MCU: variants seen among roughly 807,000 people sequenced by gnomAD.
MCU encodes calcium uniporter protein, mitochondrial.
In MCU, 12 loss-of-function variants were observed where a neutral mutation model predicts 45.2. The ratio of observed to expected loss-of-function variants is 0.27; its 90% CI spans 0.17 to 0.43. The LOEUF (loss-of-function observed/expected upper bound fraction) is 0.43, where lower values mean the gene tolerates loss of function less well. Ranked by LOEUF, MCU falls within the 20% of genes least tolerant of loss-of-function variation. MCU has a pLI of 1.00. For synonymous variants in MCU, 160 were observed against 165.1 expected, an observed-to-expected ratio of 0.97 and a Z score of 0.24; for missense variants, 324 against 436.7, an observed-to-expected ratio of 0.74 and a Z score of 2.30.
At position 72,841,139 on chromosome 10, in the gene MCU, CAGTT is replaced by C. The variant is rs546202844; in HGVS notation, c.220+6716_220+6719del. Among the ~76,000 whole-genome samples the C allele has an allele frequency of 8.9e-4, 135 of 152,216 alleles. 2 individuals are homozygous for C. Among genetic ancestry groups the C allele is most frequent in the African/African-American group, 2.7e-3 (111 of 41,536 alleles). On this transcript the variant is annotated intron_variant, in intron 2 of 7. Coordinates refer to ENST00000373053, the MANE Select transcript of MCU (RefSeq NM_138357.3). Reference sequence around the variant, plus strand: ...TGAAAATAACTGATACTGTTCAAAGCAGTTAGTTCCTAGTTTTTGTCTGTTAACA... The same window carrying C: ...TGAAAATAACTGATACTGTTCAAAGCAGTTCCTAGTTTTTGTCTGTTAACA...
At chr10:72,769,056 GT>G (rs1316265105) in intron 1 of MCU, among the ~76,000 whole-genome samples, 1 of 151,638 alleles carries the variant, frequency 6.6e-6, no homozygotes, top group East Asian at 1.9e-4. Context: ...GTCTTGGTAT[GT>G]TGCCCAGGCT....
chr10:72,845,627 C>T (rs1845109514), intron 2 of MCU, among the ~76,000 whole-genome samples: 1 of 152,086 alleles, frequency 6.6e-6, no homozygotes, highest in Admixed American at 6.6e-5. Context: ...AAGAGCAATA[C>T]CTAGATACCT....
At position 72,692,204 on chromosome 10, in the gene MCU, G is replaced by T; in HGVS notation, c.53G>T (p.Gly18Val). 7.9e-7 allele frequency: 1 copy of T among 1,258,928 alleles called. No individual in the cohort carries two copies. Among genetic ancestry groups the T allele is most frequent in the Non-Finnish European group, 1.0e-6 (1 of 995,460 alleles). 78.0% of individuals were successfully genotyped at this position (1,258,928 alleles called of 1,614,324 possible). Residue 18 changes from glycine (G) to valine (V), a missense_variant, in exon 1 of 8, where the codon GGC becomes GTC. Coordinates refer to ENST00000373053, the MANE Select transcript of MCU (RefSeq NM_138357.3). ...CTGCTGCTCCTCTCCTCTCGGGGCG[G>T]CGGCGGCGGGGGCGCCGGCGGCTGC... ...SLLLLLSSRGGGGGGAGGCGA... is the reference protein window; with the variant it reads ...SLLLLLSSRGVGGGGAGGCGA...
intron 1 of MCU, among the ~76,000 whole-genome samples, chr10:72,750,023 G>T (rs766623141): frequency 6.6e-6 from 1 of 150,728 alleles, no homozygotes; most frequent in Non-Finnish European, 1.5e-5. Context: ...CAGGTGATCC[G>T]CCTGCTTTGA....
At chr10:72,737,036 T>G (rs555957671) in intron 1 of MCU, among the ~76,000 whole-genome samples, 1 of 152,368 alleles carries the variant, frequency 6.6e-6, no homozygotes, top group Admixed American at 6.5e-5. Context: ...GTGAAGCGTG[T>G]GGGGTATATG....
intron 1 of MCU, among the ~76,000 whole-genome samples, chr10:72,704,769 C>T (rs1842799323): frequency 7.4e-6 from 1 of 135,248 alleles, no homozygotes; most frequent in Non-Finnish European, 1.5e-5. Context: ...GGCTGGAGTG[C>T]AGTGGCGCGA....
intron 5 of MCU, among the ~76,000 whole-genome samples, chr10:72,871,030 G>C (rs774933031): frequency 2.6e-5 from 4 of 152,070 alleles, no homozygotes; most frequent in Non-Finnish European, 5.9e-5. Flanking sequence ...CCTCCCGATA[G>C]CTGGGACTAC....
intron 1 of MCU, among the ~76,000 whole-genome samples, chr10:72,819,022 A>T (rs1004306545): frequency 1.3e-5 from 2 of 152,048 alleles, no homozygotes; most frequent in Non-Finnish European, 2.9e-5. Flanking sequence ...TATCTCTGTT[A>T]TGTTTTCTTC....
chr10:72,839,050 T>C (rs1458477210), intron 2 of MCU, among the ~76,000 whole-genome samples: 2 of 151,718 alleles, frequency 1.3e-5, no homozygotes, highest in African/African-American at 2.4e-5. Flanking sequence ...AGTGCAGTGG[T>C]GCGGTCTTGG....
At chr10:72,866,063 C>A (rs533502899) in intron 4 of MCU, among the ~76,000 whole-genome samples, 9 of 150,008 alleles carry the variant, frequency 6.0e-5, no homozygotes, top group East Asian at 3.9e-4. Flanking sequence ...AGGTGTGAGC[C>A]ACCACGCCCG....
intron 1 of MCU, among the ~76,000 whole-genome samples, chr10:72,717,919 G>A (rs1308411370): frequency 2.0e-5 from 3 of 151,974 alleles, no homozygotes; most frequent in East Asian, 3.9e-4. Flanking sequence ...CAAAAAAATG[G>A]CAAAGATCTT....
At chr10:72,872,764 C>T (rs529428018) in intron 6 of MCU, among the ~76,000 whole-genome samples, 2 of 152,188 alleles carry the variant, frequency 1.3e-5, no homozygotes, top group East Asian at 3.9e-4. Flanking sequence ...GATTTCCTTT[C>T]CTTTGGATAT....
intron 4 of MCU, among the ~76,000 whole-genome samples, chr10:72,865,724 A>C (rs1469950073): frequency 6.7e-6 from 1 of 150,264 alleles, no homozygotes; most frequent in Non-Finnish European, 1.5e-5. Context: ...TTTTTTGTAG[A>C]GATGAGGTTT....
chr10:72,779,747 T>C (rs948674802), intron 1 of MCU, among the ~76,000 whole-genome samples: 5 of 152,184 alleles, frequency 3.3e-5, no homozygotes, highest in African/African-American at 4.8e-5. Context: ...TTATACACAC[T>C]GCATGGCTAT....
chr10:72,797,831 A>G (rs1223441152), intron 1 of MCU, among the ~76,000 whole-genome samples: 2 of 151,886 alleles, frequency 1.3e-5, no homozygotes, highest in Admixed American at 1.3e-4. Flanking sequence ...CCCATAATGT[A>G]CTTTTAATAG....
chr10:72,779,035 T>C (rs765839735), intron 1 of MCU, among the ~76,000 whole-genome samples: 57 of 152,264 alleles, frequency 3.7e-4, no homozygotes, highest in Non-Finnish European at 5.1e-4. Flanking sequence ...TGTGGCACGA[T>C]CTTGGCTCCC....
chr10:72,836,166 T>C (rs1844953487), intron 2 of MCU, among the ~76,000 whole-genome samples: 1 of 152,162 alleles, frequency 6.6e-6, no homozygotes. Flanking sequence ...CATTGCTGAA[T>C]CCACTCAGTT....
At chr10:72,831,505 T>C (rs1288788756) in intron 1 of MCU, among the ~76,000 whole-genome samples, 1 of 152,224 alleles carries the variant, frequency 6.6e-6, no homozygotes, top group Non-Finnish European at 1.5e-5. Context: ...GGTTTTTGTT[T>C]TGTTTTGTTT....
chr10:72,723,497 A>G (rs1309227616), intron 1 of MCU, among the ~76,000 whole-genome samples: 2 of 152,212 alleles, frequency 1.3e-5, no homozygotes, highest in Non-Finnish European at 2.9e-5. Flanking sequence ...ATTTCCTTTT[A>G]GACATTTTTT....
Sources: gnomAD v4.1 joint callset for allele counts (sites outside exome capture counted in the v4.1 genomes callset) on GRCh38, gnomAD v4.1.1 for gene constraint, MANE v1.5 for transcripts, NCBI Gene and HGNC (gene_info 2026-07-23, HGNC 2026-07-21) for gene names.